The following NKD1 variants were observed in gnomAD, a reference collection of about 807,000 sequenced individuals.
The protein encoded by NKD1 is protein naked cuticle homolog 1.
Under a neutral mutation model 56.0 loss-of-function variants are expected in NKD1, and 21 were observed. The observed-to-expected ratio is 0.38, with a 90% CI of 0.27 to 0.54. The LOEUF is 0.54. NKD1 is among the 20% of genes least tolerant of loss of function. The pLI is 0.82. For synonymous variants in NKD1, 263 were observed against 265.7 expected (o/e 0.99, Z 0.10); for missense variants, 578 against 642.7 (o/e 0.90, Z 1.09).
In NKD1 at chr16:50,606,668, C is replaced by T. The variant is rs542309216; in HGVS notation, c.193-1626C>T. The T allele has an allele frequency of 5.2e-5, 22 of 420,144 alleles. 1 individual carries two copies. Among genetic ancestry groups the T allele is most frequent in the South Asian group, 2.9e-4 (18 of 61,650 alleles). 26.0% of individuals were successfully genotyped at this position (420,144 alleles called of 1,614,324 possible). A position where few individuals can be genotyped will look rare whatever the true frequency, so the allele number is the denominator to read the frequency against. On this transcript the variant is annotated intron_variant, in intron 3 of 9. Transcript: ENST00000268459. ...TTCCAAGTGTGCCAGTAAAAAGACACGAGTACTCAGACGTCTCATTGATGC... is the reference window on the plus strand; with the variant it reads ...TTCCAAGTGTGCCAGTAAAAAGACATGAGTACTCAGACGTCTCATTGATGC...
chr16:50,643,896 T>G lies in NKD1; in HGVS notation c.*10115T>G, dbSNP rs1962627935. ...AAGGCATATCAGAGCCTTCTGTGCT[T>G]AAGAGCACAAGATGGCACTTCAGCG... On this transcript the variant is annotated 3_prime_UTR_variant, in exon 10 of 10. Coordinates refer to ENST00000268459, the MANE Select transcript of NKD1 (RefSeq NM_033119.5). The G allele has an allele frequency of 6.6e-6, 1 of 152,262 alleles. No individual in the cohort carries two copies. Among genetic ancestry groups the G allele is most frequent in the African/African-American group, 2.4e-5 (1 of 41,476 alleles). 9.4% of individuals were successfully genotyped at this position (152,262 alleles called of 1,614,324 possible). A position where few individuals can be genotyped will look rare whatever the true frequency, so the allele number is the denominator to read the frequency against.
At chr16:50,577,233 G>A (rs774872680) in intron 3 of NKD1, among the ~76,000 whole-genome samples, 8 of 152,150 alleles carry the variant, frequency 5.3e-5, no homozygotes, top group African/African-American at 7.2e-5. Context: ...CCTTCCCAGC[G>A]GAGGGTTGTT....
chr16:50,557,918 G>A (rs1433157588), intron 3 of NKD1: 2 of 152,208 alleles, frequency 1.3e-5, no homozygotes, highest in Non-Finnish European at 2.9e-5. Context: ...AGAAACTTAA[G>A]GACCTACAGG....
chr16:50,616,384 G>A (rs1961960767), intron 4 of NKD1, among the ~76,000 whole-genome samples: 1 of 152,190 alleles, frequency 6.6e-6, no homozygotes, highest in Non-Finnish European at 1.5e-5. Flanking sequence ...TCTGGATTGT[G>A]TTAAGATAAG....
intron 3 of NKD1, chr16:50,571,609 C>T (rs1250078034): frequency 7.6e-6 from 6 of 794,344 alleles, no homozygotes; most frequent in Non-Finnish European, 9.2e-6. Context: ...TCATTCCTAA[C>T]TCCTCCCCTT....
intron 5 of NKD1, among the ~76,000 whole-genome samples, chr16:50,624,147 C>T (rs1255767934): frequency 6.6e-6 from 1 of 152,120 alleles, no homozygotes; most frequent in African/African-American, 2.4e-5. Context: ...TGCCACCTTC[C>T]TGATGGTGGA....
At chr16:50,549,314 C>CCCGTG in intron 2 of NKD1, 108 bp from the exon 3 acceptor site, 1 of 1,414,666 alleles carries the variant, frequency 7.1e-7, no homozygotes, top group East Asian at 2.4e-5. Flanking sequence ...CCTCCTGGCC[C>CCCGTG]CCGTGCCGTG....
intron 3 of NKD1, chr16:50,555,216 G>A (rs1386467825): frequency 1.3e-5 from 2 of 152,434 alleles, no homozygotes; most frequent in African/African-American, 4.8e-5. Flanking sequence ...GGATTGCCGG[G>A]AGGCTTCTGT....
Position 50,586,554 on chromosome 16 carries a change from A to G in NKD1, c.193-21740A>G, listed in dbSNP as rs529837422. Among the ~76,000 whole-genome samples, 24 of 152,200 alleles carry G rather than the reference A, an allele frequency of 1.6e-4. No homozygotes were observed. The South Asian group carries it at 4.8e-3, about 30-fold the overall frequency. ...CCCATCTTCTGTTCCGACTTTTGAG[A>G]CCACAGAGGTTTCCTAGTATGTCAT... On this transcript the variant is annotated intron_variant, in intron 3 of 9. Coordinates refer to ENST00000268459, the MANE Select transcript of NKD1 (RefSeq NM_033119.5).
At position 50,638,916 on chromosome 16, in the gene NKD1, TG is replaced by T. The variant is rs1962524862; in HGVS notation, c.*5137del. Reference sequence around the variant, plus strand: ...TGTCTCCCACAAAGTAGAAGAATCCTGGTACATTTAGCCCATGAGCCTGGCA... The same window carrying T: ...TGTCTCCCACAAAGTAGAAGAATCCTGTACATTTAGCCCATGAGCCTGGCA... On this transcript the variant is annotated 3_prime_UTR_variant, in exon 10 of 10. Coordinates refer to ENST00000268459, the MANE Select transcript of NKD1 (RefSeq NM_033119.5). The T allele has an allele frequency of 6.6e-6, 1 of 152,198 alleles. No homozygotes were observed. Among genetic ancestry groups the T allele is most frequent in the African/African-American group, 2.4e-5 (1 of 41,430 alleles). 9.4% of individuals were successfully genotyped at this position (152,198 alleles called of 1,614,324 possible).
chr16:50,584,020 A>T (rs1961174937), intron 3 of NKD1, among the ~76,000 whole-genome samples: 1 of 152,226 alleles, frequency 6.6e-6, no homozygotes, highest in Non-Finnish European at 1.5e-5. Context: ...CATATCAGTT[A>T]GCTGTTGCCA....
intron 6 of NKD1, among the ~76,000 whole-genome samples, chr16:50,629,911 G>A (rs1962304671): frequency 6.6e-6 from 1 of 152,096 alleles, no homozygotes; most frequent in East Asian, 1.9e-4. Context: ...CTCCCTCCAG[G>A]GCCCCAGTGC....
Position 50,611,641 on chromosome 16 carries a change from G to T in NKD1, c.259+3281G>T, listed in dbSNP as rs558183246. 2.0e-5 allele frequency among the ~76,000 whole-genome samples: 3 copies of T among 152,256 alleles called. No individual in the cohort carries two copies. The East Asian group carries it at 5.8e-4, about 29-fold the overall frequency. ...GCTGAGCAGCACTCGGGGAGCTCGG[G>T]GCCTGTTCAGCTCTGCAATGGTCCC... On this transcript the variant is annotated intron_variant, in intron 4 of 9. Transcript: ENST00000268459.
intron 4 of NKD1, among the ~76,000 whole-genome samples, chr16:50,611,524 T>G (rs1410287605): frequency 7.2e-5 from 11 of 152,006 alleles, no homozygotes; most frequent in Non-Finnish European, 1.2e-4. Flanking sequence ...GCCCGTGGGG[T>G]GGTCTCTGCT....
chr16:50,615,166 T>C (rs1318664422), intron 4 of NKD1, among the ~76,000 whole-genome samples: 4 of 152,162 alleles, frequency 2.6e-5, no homozygotes, highest in Non-Finnish European at 4.4e-5. Flanking sequence ...GTGTCAGCTA[T>C]TGTGGTCTGA....
At chr16:50,580,145 T>C (rs1961086997) in intron 3 of NKD1, among the ~76,000 whole-genome samples, 1 of 152,270 alleles carries the variant, frequency 6.6e-6, no homozygotes, top group Non-Finnish European at 1.5e-5. Flanking sequence ...CCGTGGACTA[T>C]GTCTTCCTTT....
At chr16:50,601,435 C>T (rs193300100) in intron 3 of NKD1, among the ~76,000 whole-genome samples, 6 of 152,344 alleles carry the variant, frequency 3.9e-5, no homozygotes, top group Non-Finnish European at 5.9e-5. Flanking sequence ...GACACTTTTT[C>T]GAGTGCCTGC....
At chr16:50,560,318 C>A (rs911284535) in intron 3 of NKD1, among the ~76,000 whole-genome samples, 30 of 152,236 alleles carry the variant, frequency 2.0e-4, no homozygotes, top group African/African-American at 6.5e-4. Flanking sequence ...CCACTGTGTG[C>A]ATAGCCCCGT....
At chr16:50,608,259 C>T (rs1218708586) in intron 3 of NKD1, 35 bp from the exon 4 acceptor site, 2 of 1,504,776 alleles carry the variant, frequency 1.3e-6, no homozygotes, top group Non-Finnish European at 1.8e-6. Context: ...GCTCCCCCAA[C>T]CCCTGCTCAA....
Sources: allele counts gnomAD v4.1 joint callset (sites outside exome capture counted in the v4.1 genomes callset), GRCh38; gene constraint gnomAD v4.1.1; transcripts MANE v1.5; gene names NCBI Gene and HGNC (gene_info 2026-07-23, HGNC 2026-07-21).